ZNF831: variants seen among roughly 807,000 people sequenced by gnomAD.
ZNF831 encodes zinc finger protein 831.
In ZNF831, 59 loss-of-function variants were observed where a neutral mutation model predicts 95.8. The ratio of observed to expected loss-of-function variants is 0.62; its 90% CI spans 0.50 to 0.77. ZNF831 has a LOEUF of 0.77. Ranked by LOEUF, ZNF831 falls within the 30% of genes least tolerant of loss-of-function variation. ZNF831 has a pLI of 0.00. For missense variants in ZNF831, 2,205 were observed against 2,164.0 expected (o/e 1.02, Z -0.38); for synonymous variants, 961 against 925.5 (o/e 1.04, Z -0.70).
chr20:59,226,116 G>A (rs1986414983), intron 4 of ZNF831, among the ~76,000 whole-genome samples: 2 of 152,122 alleles, frequency 1.3e-5, no homozygotes, highest in Non-Finnish European at 1.5e-5. Flanking sequence ...TTGGCCAGGT[G>A]GGTGGAATAT....
chr20:59,192,151 G>A lies in ZNF831; in HGVS notation c.1132G>A (p.Gly378Ser). ...CAGCGCCGAGTCCGAGGGGGAGGGC[G>A]GCCCGGGCCCGGGGCCAGGGGTCGC... The part of the protein sequence containing the change: ...EHSAESEGEG[G>S]PGPGPGVAGA... The change falls in exon 2 of 6, where the codon GGC (glycine) becomes AGC (serine). Residue 378 changes from glycine to serine, a missense_variant. By Grantham distance (56) the Gly-to-Ser change is moderately conservative. Transcript: ENST00000371030. The surrounding 1 kb of genome is among the most constrained non-coding windows in gnomAD (Gnocchi z 5.2). 1 of 1,555,278 alleles carries A rather than the reference G, an allele frequency of 6.4e-7. No homozygotes were observed. The highest frequency in any genetic ancestry group is 1.2e-5 in the South Asian group (1 of 83,196).
At position 59,254,336 on chromosome 20, in the gene ZNF831, T is replaced by C. The variant is rs1002735983; in HGVS notation, c.4627T>C (p.Leu1543=). 2.5e-6 allele frequency: 4 copies of C among 1,614,058 alleles called. No homozygotes were observed. Among genetic ancestry groups the C allele is most frequent in the Non-Finnish European group, 3.4e-6 (4 of 1,179,994 alleles). Residue 1543 remains leucine, a synonymous_variant, in exon 6 of 6, where the codon TTG becomes CTG. Coordinates refer to ENST00000371030, the MANE Select transcript of ZNF831 (RefSeq NM_178457.3). The surrounding 1 kb of genome is among the most constrained non-coding windows in gnomAD (Gnocchi z 4.5). ...AGAAGAGGGCAGAGCACAGACCCTC[T>C]TGCCAGGGAGACCTTCATCTGGACA... ...VTEEGRAQTL[L]PGRPSSGQRI...
At chr20:59,190,367 C>T (rs1010870265) in intron 1 of ZNF831, among the ~76,000 whole-genome samples, 4 of 152,204 alleles carry the variant, frequency 2.6e-5, no homozygotes, top group African/African-American at 9.7e-5. Flanking sequence ...AAGAACTATG[C>T]ATTGTTTATC....
chr20:59,239,477 C>G (rs935064763), intron 4 of ZNF831, among the ~76,000 whole-genome samples: 1 of 151,554 alleles, frequency 6.6e-6, no homozygotes, highest in Non-Finnish European at 1.5e-5. Flanking sequence ...TTCAAGTTTC[C>G]CCCCTTCTTT....
At chr20:59,226,387 G>T (rs1250802911) in intron 4 of ZNF831, among the ~76,000 whole-genome samples, 1 of 151,964 alleles carries the variant, frequency 6.6e-6, no homozygotes, top group African/African-American at 2.4e-5. Context: ...CTCTCCACCA[G>T]GCCAGGCCTC....
rs1988155081 is a variant in ZNF831 at position 59,255,780 on chromosome 20, T to A, written c.*1037T>A. 1 of 152,220 alleles carries A rather than the reference T, an allele frequency of 6.6e-6. No homozygotes were observed. The highest frequency in any genetic ancestry group is 6.5e-5 in the Admixed American group (1 of 15,286). 9.4% of individuals were successfully genotyped at this position (152,220 alleles called of 1,614,324 possible). On this transcript the variant is annotated 3_prime_UTR_variant, in exon 6 of 6. Coordinates refer to ENST00000371030, the MANE Select transcript of ZNF831 (RefSeq NM_178457.3). ...CTGTTTTACATCTCGGTAATTTTAT[T>A]TTCGGGGCTTAGTGTTACTTTGCTG...
chr20:59,137,743 G>T (rs2146441562), intron 1 of ZNF831, among the ~76,000 whole-genome samples: 1 of 152,324 alleles, frequency 6.6e-6, no homozygotes, highest in Non-Finnish European at 1.5e-5. Context: ...ACCAGCACTG[G>T]GTGGAGGGAC....
At chr20:59,162,331 G>T (rs143710426), upstream of ZNF831, among the ~76,000 whole-genome samples, 1 of 152,188 alleles carries the variant, frequency 6.6e-6, no homozygotes, top group East Asian at 1.9e-4. Context: ...CTTTGTCTAG[G>T]CTGACATTCA....
chr20:59,252,779 C>T (rs1987958939), intron 4 of ZNF831, among the ~76,000 whole-genome samples, 199 bp from the exon 5 acceptor site: 1 of 151,860 alleles, frequency 6.6e-6, no homozygotes, highest in Admixed American at 6.6e-5. Flanking sequence ...TTTGCCATTT[C>T]CTTCCTTCAT....
At chr20:59,247,402 G>A (rs1367355838) in intron 4 of ZNF831, among the ~76,000 whole-genome samples, 4 of 152,132 alleles carry the variant, frequency 2.6e-5, no homozygotes, top group African/African-American at 7.2e-5. Flanking sequence ...TGTCTGCCTC[G>A]TTTTCCACAG....
chr20:59,210,907 C>T (rs1406272128), intron 4 of ZNF831, among the ~76,000 whole-genome samples: 1 of 79,686 alleles, frequency 1.3e-5, no homozygotes, highest in Non-Finnish European at 2.4e-5. Flanking sequence ...GTGGCGGGCG[C>T]CTGTAGTCCC....
At chr20:59,142,391 C>T (rs1045981302) in intron 1 of ZNF831, among the ~76,000 whole-genome samples, 1 of 152,170 alleles carries the variant, frequency 6.6e-6, no homozygotes, top group South Asian at 2.1e-4. Context: ...TGTCCTAGGT[C>T]CTGAACAGCC....
chr20:59,200,563 C>T (rs918824157), intron 3 of ZNF831, among the ~76,000 whole-genome samples: 1 of 151,948 alleles, frequency 6.6e-6, no homozygotes, highest in Non-Finnish European at 1.5e-5. Context: ...ACAATATAAC[C>T]AGGATCATGA....
intron 4 of ZNF831, among the ~76,000 whole-genome samples, chr20:59,231,350 T>G (rs568445378): frequency 5.3e-4 from 80 of 152,312 alleles, no homozygotes; most frequent in African/African-American, 1.8e-3. Flanking sequence ...CCACATGTGT[T>G]TTTCCTTAGA....
At position 59,243,039 on chromosome 20, in the gene ZNF831, A is replaced by G. The variant is rs145500924; in HGVS notation, c.4028-9939A>G. ...GTGTATACTACAACAAGTACATAGA[A>G]TAGAGCTTCTTAATTATTAGCAATA... On this transcript the variant is annotated intron_variant, in intron 4 of 5. Transcript: ENST00000371030. Among the ~76,000 whole-genome samples the G allele has an allele frequency of 1.2e-3, 176 of 152,358 alleles. 1 individual carries two copies. Among genetic ancestry groups the G allele is most frequent in the African/African-American group, 3.9e-3 (162 of 41,594 alleles).
At chr20:59,158,852 G>T (rs770943766), upstream of ZNF831, among the ~76,000 whole-genome samples, 1 of 152,088 alleles carries the variant, frequency 6.6e-6, no homozygotes, top group Non-Finnish European at 1.5e-5. Context: ...CCCCCACCCC[G>T]CAGCATCTTA....
upstream of ZNF831, among the ~76,000 whole-genome samples, chr20:59,162,428 G>A (rs1219284257): frequency 6.6e-6 from 1 of 152,154 alleles, no homozygotes; most frequent in African/African-American, 2.4e-5. Flanking sequence ...GTTAATTTTT[G>A]TATATATTGA....
At chr20:59,188,656 CAATAAATAAATA>C (rs57692294) in intron 1 of ZNF831, among the ~76,000 whole-genome samples, 9 of 149,234 alleles carry the variant, frequency 6.0e-5, no homozygotes, top group African/African-American at 2.3e-4. Context: ...GACTCCATCT[CAATAAATAAATA>C]AATAAATAAA....
At chr20:59,252,899 C>A in intron 4 of ZNF831, 79 bp from the exon 5 acceptor site, 2 of 1,481,930 alleles carry the variant, frequency 1.3e-6, no homozygotes, top group South Asian at 2.7e-5. Context: ...ATCAAGAAGT[C>A]ATGGACAACC....
Sources: allele counts gnomAD v4.1 joint callset (sites outside exome capture counted in the v4.1 genomes callset), GRCh38; gene constraint gnomAD v4.1.1; non-coding constraint Gnocchi (gnomAD v3.1); transcripts MANE v1.5; gene names NCBI Gene and HGNC (gene_info 2026-07-23, HGNC 2026-07-21).